The following COL22A1 variants were observed in gnomAD, a reference collection of about 807,000 sequenced individuals.
COL22A1 encodes collagen type XXII alpha 1 chain, also known as collagen alpha-1(XXII) chain.
In COL22A1, 221 loss-of-function variants were observed where a neutral mutation model predicts 248.9. The observed-to-expected ratio is 0.89, with a 90% CI of 0.80 to 0.99. The LOEUF (loss-of-function observed/expected upper bound fraction) is 0.99, where lower values mean the gene tolerates loss of function less well. COL22A1 is among the 50% of genes least tolerant of loss of function. The probability of loss-of-function intolerance (pLI) is 0.00; values close to 1 mark genes in which losing one functional copy is unlikely to be tolerated. For synonymous variants in COL22A1, 891 were observed against 793.4 expected (o/e 1.12, Z -2.07); for missense variants, 2,240 against 2,179.0 (o/e 1.03, Z -0.56).
rs1023743314 is a variant in COL22A1, at chr8:138,913,816, C to T, written c.-270G>A. ...GACCCGCAGTAAGTGTGGAGGCTTT[C>T]CCCAGGCCAGGGGGCCAGAGAGGGA... On this transcript the variant is annotated 5_prime_UTR_variant, in exon 1 of 65. Transcript: ENST00000303045. 8 of 152,452 alleles carry T rather than the reference C, an allele frequency of 5.2e-5. No homozygotes were observed. Among genetic ancestry groups the T allele is most frequent in the African/African-American group, 1.9e-4 (8 of 41,468 alleles). The allele number at this position is 152,452 out of a possible 1,614,324, so 9.4% of individuals were successfully genotyped here.
intron 52 of COL22A1, 96 bp downstream of exon 52, chr8:138,623,636 C>A: frequency 9.5e-7 from 1 of 1,050,842 alleles, no homozygotes; most frequent in Non-Finnish European, 1.4e-6. Context: ...TGCCTATCTT[C>A]GAGACTGGTT....
At chr8:138,726,479 G>C (rs1830318704) in intron 23 of COL22A1, among the ~76,000 whole-genome samples, 1 of 126,096 alleles carries the variant, frequency 7.9e-6, no homozygotes, top group African/African-American at 3.2e-5. Context: ...CCTGGGTGCA[G>C]AGCAATATCC....
intron 29 of COL22A1, 87 bp from the exon 30 acceptor site, chr8:138,715,822 GA>G: frequency 1.1e-6 from 1 of 942,900 alleles, no homozygotes; most frequent in Non-Finnish European, 1.7e-6. Context: ...CATGACTTTG[GA>G]AAAACATACA....
intron 4 of COL22A1, among the ~76,000 whole-genome samples, chr8:138,842,131 C>T (rs896319564): frequency 5.9e-5 from 9 of 152,138 alleles, no homozygotes; most frequent in Admixed American, 2.6e-4. Context: ...ATCCTCATTC[C>T]GCCACAAACT....
chr8:138,833,138 A>G lies in COL22A1; in HGVS notation c.746T>C (p.Met249Thr). Residue 249 changes from methionine (M) to threonine (T), a missense_variant, in exon 5 of 65, where the codon ATG becomes ACG. Transcript: ENST00000303045. ...GATTTCCTTCACACTGAACAAATCCATCAGGTCAAAACCTGTACAAAGAGA... is the reference window on the plus strand; with the variant it reads ...GATTTCCTTCACACTGAACAAATCCGTCAGGTCAAAACCTGTACAAAGAGA... ...GTKEITGFDL[M>T]DLFSVKEILG... 6.2e-7 allele frequency: 1 copy of G among 1,611,578 alleles called. No individual in the cohort carries two copies. Among genetic ancestry groups the G allele is most frequent in the Non-Finnish European group, 8.5e-7 (1 of 1,177,548 alleles).
chr8:138,600,434 T>C (rs1817906612), intron 60 of COL22A1, among the ~76,000 whole-genome samples: 1 of 151,946 alleles, frequency 6.6e-6, no homozygotes, highest in African/African-American at 2.4e-5. Context: ...AAATGAAAAA[T>C]GCAAGGAGTG....
At chr8:138,591,159 T>C (rs535122440) in intron 64 of COL22A1, among the ~76,000 whole-genome samples, 9 of 152,292 alleles carry the variant, frequency 5.9e-5, no homozygotes, top group African/African-American at 1.7e-4. Flanking sequence ...AATTTTTTTT[T>C]CCCAGGACCA....
chr8:138,740,665 C>G (rs7839333), intron 22 of COL22A1, among the ~76,000 whole-genome samples: 1 of 152,012 alleles, frequency 6.6e-6, no homozygotes, highest in Admixed American at 6.6e-5. Context: ...GAGAGAAATG[C>G]AAAGAAACAC....
At chr8:138,602,288 G>T in intron 59 of COL22A1, 129 bp from the exon 60 acceptor site, 2 of 943,032 alleles carry the variant, frequency 2.1e-6, no homozygotes, top group South Asian at 1.6e-5. Flanking sequence ...TCCCCCGAGG[G>T]CTCCTTTCTG....
At chr8:138,676,448 A>AGAAG in intron 41 of COL22A1, 110 bp downstream of exon 41, 1 of 563,206 alleles carries the variant, frequency 1.8e-6, no homozygotes, top group South Asian at 2.8e-5. Flanking sequence ...AAAGAAAGAA[A>AGAAG]GAAAGAAAGG....
At chr8:138,644,597 C>T (rs1183738153) in intron 47 of COL22A1, among the ~76,000 whole-genome samples, 2 of 152,166 alleles carry the variant, frequency 1.3e-5, no homozygotes, top group Non-Finnish European at 2.9e-5. Context: ...TAGTCAAAAG[C>T]TTTCATGTCT....
At chr8:138,870,272 G>C (rs146677918) in intron 3 of COL22A1, among the ~76,000 whole-genome samples, 1 of 151,994 alleles carries the variant, frequency 6.6e-6, no homozygotes, top group African/African-American at 2.4e-5. Flanking sequence ...GTTTGTATAT[G>C]TGGTGTGTGT....
At chr8:138,760,114 C>T in intron 18 of COL22A1, 129 bp downstream of exon 18, 2 of 578,908 alleles carry the variant, frequency 3.5e-6, no homozygotes, top group Non-Finnish European at 5.7e-6. Flanking sequence ...CAGCCACCAC[C>T]CTTTGTGTGT....
Position 138,636,742 on chromosome 8 carries a change from C to T in COL22A1, c.3555G>A (p.Gln1185=). The change falls in exon 48 of 65, where the codon CAG becomes CAA. Residue 1185 remains glutamine (Q), a splice_region_variant and synonymous_variant. Transcript: ENST00000303045. ...ADGEVGQKGD[Q]GHPGVPGFMG... Reference sequence around the variant, plus strand: ...GGTTCCTTATAAAGTAAATTTTTACCTGATCACCTTTCTGCCCAACCTCAC... The same window carrying T: ...GGTTCCTTATAAAGTAAATTTTTACTTGATCACCTTTCTGCCCAACCTCAC... 6.2e-7 allele frequency: 1 copy of T among 1,611,894 alleles called. No homozygotes were observed. The highest frequency in any genetic ancestry group is 1.7e-5 in the Admixed American group (1 of 59,972).
chr8:138,700,820 TA>T (rs34583125), intron 31 of COL22A1, among the ~76,000 whole-genome samples: 10 of 151,824 alleles, frequency 6.6e-5, no homozygotes, highest in South Asian at 6.3e-4. Context: ...CAGTCTCTAC[TA>T]AAAAATACAA....
At chr8:138,724,727 C>T in intron 24 of COL22A1, 59 bp from the exon 25 acceptor site, 1 of 1,535,836 alleles carries the variant, frequency 6.5e-7, no homozygotes, top group South Asian at 1.1e-5. Context: ...AGATCATTGA[C>T]TCAACCTCTT....
intron 52 of COL22A1, among the ~76,000 whole-genome samples, chr8:138,620,882 T>C (rs1228028794): frequency 6.6e-6 from 1 of 152,196 alleles, no homozygotes; most frequent in Non-Finnish European, 1.5e-5. Flanking sequence ...CTCAAAAGGC[T>C]GTCTATATAT....
At chr8:138,769,535 C>T (rs906540959) in intron 16 of COL22A1, among the ~76,000 whole-genome samples, 1 of 152,112 alleles carries the variant, frequency 6.6e-6, no homozygotes, top group Non-Finnish European at 1.5e-5. Context: ...AAAGGGCTGC[C>T]TTGTCCTCCC....
At chr8:138,765,101 G>T (rs935624278) in intron 16 of COL22A1, among the ~76,000 whole-genome samples, 1 of 152,204 alleles carries the variant, frequency 6.6e-6, no homozygotes, top group Non-Finnish European at 1.5e-5. Context: ...TGGCAAGGTT[G>T]GCAGGCCCAA....
Sources: allele counts gnomAD v4.1 joint callset (sites outside exome capture counted in the v4.1 genomes callset), GRCh38; gene constraint gnomAD v4.1.1; transcripts MANE v1.5; gene names NCBI Gene and HGNC (gene_info 2026-07-23, HGNC 2026-07-21).